Variants in RPRD1B observed in about 807,000 individuals in gnomAD.
The protein encoded by RPRD1B is regulation of nuclear pre-mRNA domain-containing protein 1B.
A neutral mutation model predicts 41.5 loss-of-function variants in RPRD1B; 11 were observed. The ratio of observed to expected loss-of-function variants is 0.27; its 90% CI spans 0.17 to 0.44. The LOEUF (loss-of-function observed/expected upper bound fraction) is 0.44, where lower values mean the gene tolerates loss of function less well. RPRD1B is among the 20% of genes least tolerant of loss of function. RPRD1B has a pLI of 1.00. For synonymous variants in RPRD1B, 158 were observed against 155.6 expected (o/e 1.02, Z -0.12); for missense variants, 248 against 389.9 (o/e 0.64, Z 3.06).
At chr20:38,049,750 G>T in intron 3 of RPRD1B, 1 of 471,152 alleles carries the variant, frequency 2.1e-6, no homozygotes, top group Admixed American at 2.3e-5. Context: ...TAGTTGGCAT[G>T]ACATGTTTCT....
rs200559318 is a variant in RPRD1B, at chr20:38,034,014, G to A, written c.67G>A (p.Val23Met). 1 of 1,614,174 alleles carries A rather than the reference G, an allele frequency of 6.2e-7. No individual in the cohort carries two copies. The highest frequency in any genetic ancestry group is 1.3e-5 in the African/African-American group (1 of 75,066). Reference sequence around the variant, plus strand: ...GGAGCTGAGCAACTCTCAGCAGAGCGTGCAGACCCTGTCCCTTTGGCTCAT... The same window carrying A: ...GGAGCTGAGCAACTCTCAGCAGAGCATGCAGACCCTGTCCCTTTGGCTCAT... ...LSELSNSQQS[V>M]QTLSLWLIHH... Residue 23 changes from valine to methionine, a missense_variant, in exon 1 of 7, where the codon GTG (valine) becomes ATG (methionine). By Grantham distance (21) the Val-to-Met change is conservative. Transcript: ENST00000373433.
chr20:38,091,491 G>T lies in RPRD1B; in HGVS notation c.*1616G>T. On this transcript the variant is annotated 3_prime_UTR_variant, in exon 7 of 7. Coordinates refer to ENST00000373433, the MANE Select transcript of RPRD1B (RefSeq NM_021215.4). ...CAGATTTGAATTCAGACTGTGTGTT[G>T]TTTGCTTATGGACACTGCCTGTCGT... 1 of 985,414 alleles carries T rather than the reference G, an allele frequency of 1.0e-6. No individual in the cohort carries two copies. The highest frequency in any genetic ancestry group is 1.2e-6 in the Non-Finnish European group (1 of 829,938). 61.0% of individuals were successfully genotyped at this position (985,414 alleles called of 1,614,324 possible).
Position 38,090,832 on chromosome 20 carries a change from T to G in RPRD1B, c.*957T>G. ...GTTTAATCCGCTGTCTGGGTGCATG[T>G]CCACAGTACGGTGGCTAAACTCGAA... On this transcript the variant is annotated 3_prime_UTR_variant, in exon 7 of 7. Coordinates refer to ENST00000373433, the MANE Select transcript of RPRD1B (RefSeq NM_021215.4). 1 of 985,448 alleles carries G rather than the reference T, an allele frequency of 1.0e-6. No individual in the cohort carries two copies. The highest frequency in any genetic ancestry group is 1.2e-6 in the Non-Finnish European group (1 of 829,946). 61.0% of individuals were successfully genotyped at this position (985,448 alleles called of 1,614,324 possible). A position where few individuals can be genotyped will look rare whatever the true frequency, so the allele number is the denominator to read the frequency against.
chr20:38,049,856 T>C (rs1333325695), intron 3 of RPRD1B: 1 of 470,806 alleles, frequency 2.1e-6, no homozygotes, highest in Non-Finnish European at 4.4e-6. Context: ...AACTAGCCTG[T>C]TTTTCCAGAT....
At chr20:38,079,963 T>A (rs2074498760) in intron 6 of RPRD1B, among the ~76,000 whole-genome samples, 1 of 152,238 alleles carries the variant, frequency 6.6e-6, no homozygotes, top group African/African-American at 2.4e-5. Context: ...TGCATTTCTC[T>A]AATGATTAGT....
chr20:38,048,250 TAGTC>T lies in RPRD1B; in HGVS notation c.282-94_282-91del, dbSNP rs1600396928. ...TTTGGTTTTAAATGTGTAAATCATT[TAGTC>T]AGTTGTTGATTTCTTTTTTTTTTAA... On this transcript the variant is annotated intron_variant, in intron 2 of 6. Coordinates refer to ENST00000373433, the MANE Select transcript of RPRD1B (RefSeq NM_021215.4). The T allele has an allele frequency of 1.4e-5, 17 of 1,243,242 alleles. No individual in the cohort carries two copies. In the East Asian group the frequency reaches 4.0e-4, roughly 29 times the overall value. 77.0% of individuals were successfully genotyped at this position (1,243,242 alleles called of 1,614,324 possible).
At position 38,090,326 on chromosome 20, in the gene RPRD1B, G is replaced by A. The variant is rs550744896; in HGVS notation, c.*451G>A. 8.1e-6 allele frequency: 8 copies of A among 986,638 alleles called. No individual in the cohort carries two copies. The highest frequency in any genetic ancestry group is 1.7e-5 in the African/African-American group (1 of 57,258). 61.1% of individuals were successfully genotyped at this position (986,638 alleles called of 1,614,324 possible). ...CCACTAAGGCACTTGTCCTGGAGAC[G>A]TTGGCTTTCCCAGCTGCATCTGCCC... is the stretch of plus-strand genomic sequence containing the variant. On this transcript the variant is annotated 3_prime_UTR_variant, in exon 7 of 7. Transcript: ENST00000373433.
At chr20:38,058,287 C>T (rs978814812) in intron 4 of RPRD1B, among the ~76,000 whole-genome samples, 2 of 152,150 alleles carry the variant, frequency 1.3e-5, no homozygotes, top group Admixed American at 1.3e-4. Flanking sequence ...TTGCCTAAAA[C>T]AGCTTTATTA....
chr20:38,039,179 A>G (rs2122690470), intron 1 of RPRD1B, among the ~76,000 whole-genome samples: 1 of 152,320 alleles, frequency 6.6e-6, no homozygotes, highest in Non-Finnish European at 1.5e-5. Context: ...GTAATAGGGA[A>G]TAACCACATT....
At chr20:38,061,251 T>C (rs1301355341) in intron 5 of RPRD1B, among the ~76,000 whole-genome samples, 2 of 152,226 alleles carry the variant, frequency 1.3e-5, no homozygotes, top group Non-Finnish European at 2.9e-5. Flanking sequence ...CTTGCCAAAC[T>C]GAAACTCTAT....
chr20:38,070,056 T>C (rs2074396378), intron 6 of RPRD1B, among the ~76,000 whole-genome samples: 1 of 144,320 alleles, frequency 6.9e-6, no homozygotes, highest in Non-Finnish European at 1.5e-5. Context: ...ACAAATCTGA[T>C]TTAATGATTG....
At position 38,073,457 on chromosome 20, in the gene RPRD1B, G is replaced by C. The variant is rs151209189; in HGVS notation, c.831+7201G>C. On this transcript the variant is annotated intron_variant, in intron 6 of 6. Transcript: ENST00000373433. ...CAGCTGGGAAGGGGGAAATGGTTCA[G>C]AATCCAACATTGCCTTATGACTCTT... is the stretch of plus-strand genomic sequence containing the variant. 4.6e-3 allele frequency among the ~76,000 whole-genome samples: 704 copies of C among 152,296 alleles called. 4 individuals carry two copies. The highest frequency in any genetic ancestry group is 0.016 in the African/African-American group (648 of 41,564).
intron 5 of RPRD1B, among the ~76,000 whole-genome samples, chr20:38,060,079 T>G (rs2074282733): frequency 1.3e-5 from 2 of 152,214 alleles, no homozygotes; most frequent in African/African-American, 4.8e-5. Context: ...GAATGAAGCA[T>G]GAACTAATAT....
In RPRD1B at chr20:38,050,183, T is replaced by G. The variant is rs1431397306; in HGVS notation, c.415+1702T>G. 2.0e-5 allele frequency among the ~76,000 whole-genome samples: 3 copies of G among 152,372 alleles called. No individual in the cohort carries two copies. In the East Asian group the frequency reaches 5.8e-4, roughly 29 times the overall value. Reference sequence around the variant, plus strand: ...TATCCTTCACTGAGTAACCCTTTTGTGTACCCTTCATGATCCTTTCCAGGT... The same window carrying G: ...TATCCTTCACTGAGTAACCCTTTTGGGTACCCTTCATGATCCTTTCCAGGT... On this transcript the variant is annotated intron_variant, in intron 3 of 6. Coordinates refer to ENST00000373433, the MANE Select transcript of RPRD1B (RefSeq NM_021215.4).
At chr20:38,084,864 A>G (rs1428000393) in intron 6 of RPRD1B, among the ~76,000 whole-genome samples, 1 of 152,212 alleles carries the variant, frequency 6.6e-6, no homozygotes, top group African/African-American at 2.4e-5. Context: ...TTGGCAGTCA[A>G]ATAAACCCAG....
chr20:38,076,469 C>A (rs2074460192), intron 6 of RPRD1B, among the ~76,000 whole-genome samples: 2 of 152,206 alleles, frequency 1.3e-5, no homozygotes, highest in African/African-American at 4.8e-5. Flanking sequence ...CAGCATGTAG[C>A]ATGCTTTGTC....
chr20:38,083,533 G>A (rs2074533769), intron 6 of RPRD1B, among the ~76,000 whole-genome samples: 1 of 152,150 alleles, frequency 6.6e-6, no homozygotes, highest in South Asian at 2.1e-4. Context: ...GCCAGTAGAA[G>A]CTCCCTTATC....
chr20:38,052,517 T>G (rs4809930), intron 3 of RPRD1B, among the ~76,000 whole-genome samples: 11,278 of 152,224 alleles, frequency 0.074, 624 homozygotes, highest in Admixed American at 0.13. Context: ...TTAATGTGCC[T>G]TATTAAAATG....
At chr20:38,053,501 C>T (rs909117334) in intron 3 of RPRD1B, among the ~76,000 whole-genome samples, 3 of 152,180 alleles carry the variant, frequency 2.0e-5, no homozygotes, top group African/African-American at 7.2e-5. Context: ...CGGAGAAGAA[C>T]GCTTGCCAGT....
Sources: allele counts gnomAD v4.1 joint callset (sites outside exome capture counted in the v4.1 genomes callset), GRCh38; gene constraint gnomAD v4.1.1; transcripts MANE v1.5; gene names NCBI Gene and HGNC (gene_info 2026-07-23, HGNC 2026-07-21).